The following TCIRG1 variants were observed in gnomAD, a reference collection of about 807,000 sequenced individuals.
TCIRG1 encodes T cell immune regulator 1, ATPase H+ transporting V0 subunit a3.
A neutral mutation model predicts 95.5 loss-of-function variants in TCIRG1; 86 were observed. The observed-to-expected ratio is 0.90, with a 90% CI of 0.76 to 1.08. The LOEUF (loss-of-function observed/expected upper bound fraction) is 1.08. Among genes scored for constraint, TCIRG1 ranks in the 50% least tolerant of loss-of-function variants. TCIRG1 has a pLI of 0.00. For synonymous variants in TCIRG1, 499 were observed against 501.3 expected (o/e 1.00, Z 0.06); for missense variants, 1,069 against 1,140.2 (o/e 0.94, Z 0.90).
chr11:68,050,825 A>G lies in TCIRG1; in HGVS notation c.*6A>G, dbSNP rs761944636. ...TCGCTGCCACAGATGACTAGGGCCC[A>G]CTGCAGGTCCTGCCAGACCTCCTTC... On this transcript the variant is annotated 3_prime_UTR_variant, in exon 20 of 20. Coordinates refer to ENST00000265686, the MANE Select transcript of TCIRG1 (RefSeq NM_006019.4). 2 of 1,612,886 alleles carry G rather than the reference A, an allele frequency of 1.2e-6. No homozygotes were observed. The highest frequency in any genetic ancestry group is 1.7e-5 in the Admixed American group (1 of 60,028).
chr11:68,050,147 C>G lies in TCIRG1; in HGVS notation c.2129C>G (p.Ser710Cys). 1 of 1,613,332 alleles carries G rather than the reference C, an allele frequency of 6.2e-7. No individual in the cohort carries two copies. The highest frequency in any genetic ancestry group is 8.5e-7 in the Non-Finnish European group (1 of 1,179,906). ...GCACCCGCCCCGCAGCTCGTCCCCT[C>G]CGAGGTGCTCATGCACCAGGCCATC... ...DDEEEAELVPSEVLMHQAIHT... is the reference protein window; with the variant it reads ...DDEEEAELVPCEVLMHQAIHT... Residue 710 changes from serine (S) to cysteine (C), a missense_variant, in exon 18 of 20, where the codon TCC becomes TGC. By Grantham distance (112) the Ser-to-Cys change is moderately radical (BLOSUM62 -1). Transcript: ENST00000265686.
intron 19 of TCIRG1, 37 bp from the exon 20 acceptor site, chr11:68,050,704 A>G: frequency 6.2e-7 from 1 of 1,613,792 alleles, no homozygotes; most frequent in Non-Finnish European, 8.5e-7. Flanking sequence ...TCAAGGCGTG[A>G]GTTCCCCTCA....
rs199973759 is a variant in TCIRG1, at chr11:68,050,524, A to AGGCCTGGGCCTG, written c.2279_2290dup (p.Leu760_Gly763dup). The AGGCCTGGGCCTG allele has an allele frequency of 3.1e-6, 5 of 1,613,660 alleles. No individual in the cohort carries two copies. In the African/African-American group the frequency reaches 6.7e-5, roughly 22 times the overall value. On this transcript the variant is annotated inframe_insertion, in exon 19 of 20. Transcript: ENST00000265686. Reference sequence around the variant, plus strand: ...TTCTGTGGGCCATGGTGATGCGCATAGGCCTGGGCCTGGGCCGGGAGGTGG... The same window carrying AGGCCTGGGCCTG: ...TTCTGTGGGCCATGGTGATGCGCATAGGCCTGGGCCTGGGCCTGGGCCTGGGCCGGGAGGTGG...
chr11:68,050,780 C>T lies in TCIRG1; in HGVS notation c.2454C>T (p.Tyr818=), dbSNP rs1855768259. 6.2e-7 allele frequency: 1 copy of T among 1,613,782 alleles called. No homozygotes were observed. Among genetic ancestry groups the T allele is most frequent in the Non-Finnish European group, 8.5e-7 (1 of 1,180,040 alleles). ...FQNKFYSGTG[Y]KLSPFTFAAT... ...ACAAGTTCTACTCAGGCACGGGCTACAAGCTGAGTCCCTTCACCTTCGCTG... is the reference window on the plus strand; with the variant it reads ...ACAAGTTCTACTCAGGCACGGGCTATAAGCTGAGTCCCTTCACCTTCGCTG... The change falls in exon 20 of 20, where the codon TAC becomes TAT. Residue 818 remains tyrosine, a synonymous_variant. Transcript: ENST00000265686.
rs567920476 is a variant in TCIRG1 at position 68,042,854 on chromosome 11, T to A, written c.408T>A (p.His136Gln). 5.8e-6 allele frequency: 9 copies of A among 1,549,490 alleles called. 1 individual carries two copies. The South Asian group carries it at 9.5e-5, about 16-fold the overall frequency. Residue 136 changes from histidine (H) to glutamine (Q), a missense_variant, in exon 4 of 20, where the codon CAT becomes CAA. His to Gln is a conservative substitution (Grantham distance 24). Transcript: ENST00000265686. ...ACGCCGCCGTGCTACGCCAGGGCCA[T>A]GAACCTCAGGTCAGCTCCCACCCAG... Reference protein sequence around the residue: ...QLHAAVLRQGHEPQLAAAHTD... With the variant: ...QLHAAVLRQGQEPQLAAAHTD...
chr11:68,051,686 T>G (rs1298845089), downstream of TCIRG1, among the ~76,000 whole-genome samples: 1 of 152,152 alleles, frequency 6.6e-6, no homozygotes, highest in East Asian at 1.9e-4. Context: ...CTAAGGTAAT[T>G]CCACATGCCC....
At chr11:68,047,265 C>CCA (rs1016817947) in intron 10 of TCIRG1, among the ~76,000 whole-genome samples, 168 bp from the exon 11 acceptor site, 1 of 113,912 alleles carries the variant, frequency 8.8e-6, no homozygotes, top group African/African-American at 3.5e-5. Context: ...CCCCCCCCCC[C>CCA]CCGTCTCGGC....
intron 1 of TCIRG1, chr11:68,040,036 C>T (rs1855084549): frequency 6.6e-6 from 1 of 152,500 alleles, no homozygotes. Context: ...CTCCAAGTGT[C>T]AGTGGAGTCC....
At position 68,041,759 on chromosome 11, in the gene TCIRG1, G is replaced by A. The variant is rs752218792; in HGVS notation, c.124G>A (p.Ala42Thr). 14 of 1,608,714 alleles carry A rather than the reference G, an allele frequency of 8.7e-6. No individual in the cohort carries two copies. Among genetic ancestry groups the A allele is most frequent in the East Asian group, 2.2e-5 (1 of 44,656 alleles). ...CTCCGTGTGGCACCCACAGCTCAACGCCTCGGTGAGCGCCTTCCAGAGACG... is the reference window on the plus strand; with the variant it reads ...CTCCGTGTGGCACCCACAGCTCAACACCTCGGTGAGCGCCTTCCAGAGACG... ...LGLVEFRDLN[A>T]SVSAFQRRFV... Residue 42 changes from alanine to threonine, a missense_variant, in exon 3 of 20, where the codon GCC (alanine) becomes ACC (threonine). Transcript: ENST00000265686.
At position 68,042,689 on chromosome 11, in the gene TCIRG1, G is replaced by T. The variant is rs756073508; in HGVS notation, c.243G>T (p.Pro81=). ...GGCGGGCTGGGCTGGTCCTGCCCCC[G>T]CCAAAGGGGAGGCTGCCGGCACCCC... The part of the protein sequence containing the change: ...EVRRAGLVLP[P]PKGRLPAPPP... Residue 81 remains proline (P), a synonymous_variant, in exon 4 of 20, where the codon CCG becomes CCT. Transcript: ENST00000265686. 1.6e-5 allele frequency: 25 copies of T among 1,545,712 alleles called. No individual in the cohort carries two copies. In the South Asian group the frequency reaches 3.0e-4, roughly 18 times the overall value.
Position 68,039,119 on chromosome 11 carries a change from G to A in TCIRG1, c.-5G>A, listed in dbSNP as rs1855040999. 6.6e-6 allele frequency: 1 copy of A among 152,310 alleles called. No individual in the cohort carries two copies. The highest frequency in any genetic ancestry group is 1.5e-5 in the Non-Finnish European group (1 of 68,168). 9.4% of individuals were successfully genotyped at this position (152,310 alleles called of 1,614,324 possible). A position where few individuals can be genotyped will look rare whatever the true frequency, so the allele number is the denominator to read the frequency against. ...GAGGCGCGGCGCGCAGCACACCCGG[G>A]GTGAGTGCCCCTGCCGGGGTCTGCG... is the stretch of plus-strand genomic sequence containing the variant. On this transcript the variant is annotated splice_region_variant and 5_prime_UTR_variant, in exon 1 of 20. Coordinates refer to ENST00000265686, the MANE Select transcript of TCIRG1 (RefSeq NM_006019.4).
At chr11:68,045,242 A>C in intron 10 of TCIRG1, 140 bp downstream of exon 10, 87 of 1,088,784 alleles carry the variant, frequency 8.0e-5, no homozygotes, top group Non-Finnish European at 1.1e-4. Flanking sequence ...CATCACTCTC[A>C]AGGGGCTGTT....
At chr11:68,041,120 GC>G in intron 1 of TCIRG1, 147 bp from the exon 2 acceptor site, 1 of 704,622 alleles carries the variant, frequency 1.4e-6, no homozygotes, top group Non-Finnish European at 2.6e-6. Flanking sequence ...ACCGCATCAA[GC>G]CTGCCCAGGC....
At chr11:68,043,251 G>C (rs913987979) in intron 5 of TCIRG1, 120 bp from the exon 6 acceptor site, 4 of 1,482,736 alleles carry the variant, frequency 2.7e-6, no homozygotes, top group Non-Finnish European at 3.6e-6. Flanking sequence ...TCCCCTGTGG[G>C]CAGGGCCAGT....
chr11:68,039,158 T>G (rs1230121355), intron 1 of TCIRG1, 39 bp downstream of exon 1: 6 of 152,146 alleles, frequency 3.9e-5, no homozygotes, highest in Non-Finnish European at 8.8e-5. Context: ...CCCCAGAATT[T>G]CCTGCCCACC....
rs570336313 is a variant in TCIRG1, at chr11:68,047,748, C to T, written c.1407C>T (p.Thr469=). ...ACAACGAGTGCTTCAGTCGCGCCAC[C>T]AGCATCTTCCCCTCGGGCTGGAGTG... is the stretch of plus-strand genomic sequence containing the variant. ...FIYNECFSRA[T]SIFPSGWSVA... The change falls in exon 12 of 20, where the codon ACC becomes ACT. Residue 469 remains threonine (T), a synonymous_variant. Transcript: ENST00000265686. 3 of 1,613,326 alleles carry T rather than the reference C, an allele frequency of 1.9e-6. No homozygotes were observed. Among genetic ancestry groups the T allele is most frequent in the Admixed American group, 3.3e-5 (2 of 60,034 alleles).
chr11:68,039,680 T>C (rs1227206732), intron 1 of TCIRG1: 1 of 139,710 alleles, frequency 7.2e-6, no homozygotes, highest in Non-Finnish European at 1.6e-5. Flanking sequence ...TGGGTGACCC[T>C]GGCTAGAGCG....
At chr11:68,048,069 A>G (rs1590814108) in intron 13 of TCIRG1, 97 bp downstream of exon 13, 23 of 1,083,472 alleles carry the variant, frequency 2.1e-5, no homozygotes, top group Non-Finnish European at 3.1e-5. Context: ...GCTGTCGCTG[A>G]GCACTCCTGT....
chr11:68,051,800 A>T (rs989099438), downstream of TCIRG1, among the ~76,000 whole-genome samples: 1 of 152,250 alleles, frequency 6.6e-6, no homozygotes, highest in Non-Finnish European at 1.5e-5. Flanking sequence ...GACCAAATCC[A>T]GAACCCAACG....
Sources: allele counts gnomAD v4.1 joint callset (sites outside exome capture counted in the v4.1 genomes callset), GRCh38; gene constraint gnomAD v4.1.1; transcripts MANE v1.5; gene names NCBI Gene and HGNC (gene_info 2026-07-23, HGNC 2026-07-21).